The following CDK14 variants were observed in gnomAD, a reference collection of about 807,000 sequenced individuals.
The protein encoded by CDK14 is cyclin dependent kinase 14, also known as cyclin-dependent kinase 14.
Under a neutral mutation model 60.7 loss-of-function variants are expected in CDK14, and 34 were observed. The ratio of observed to expected loss-of-function variants is 0.56; its 90% confidence interval spans 0.43 to 0.75. CDK14 has a LOEUF of 0.75. CDK14 is among the 30% of genes least tolerant of loss of function. CDK14 has a pLI of 0.00. For missense variants in CDK14, 482 were observed against 564.1 expected, an observed-to-expected ratio of 0.85 and a Z score of 1.47; for synonymous variants, 197 against 203.7, an observed-to-expected ratio of 0.97 and a Z score of 0.28.
intron 1 of CDK14, among the ~76,000 whole-genome samples, chr7:90,598,708 T>TTTTTG (rs1799249323): frequency 2.3e-5 from 1 of 42,680 alleles, no homozygotes; most frequent in Admixed American, 3.2e-4. Context: ...CTAAGGATTT[T>TTTTTG]TTTTTTTTTT....
chr7:90,664,858 G>T (rs562914914), intron 2 of CDK14, among the ~76,000 whole-genome samples: 72 of 152,150 alleles, frequency 4.7e-4, no homozygotes, highest in African/African-American at 1.6e-3. Flanking sequence ...GTTAATTGGT[G>T]CAGCACACCA....
chr7:90,801,885 C>G (rs1301348646), intron 5 of CDK14, among the ~76,000 whole-genome samples: 1 of 152,152 alleles, frequency 6.6e-6, no homozygotes, highest in African/African-American at 2.4e-5. Context: ...CTAGATACTT[C>G]TTACCCCTAT....
intron 2 of CDK14, among the ~76,000 whole-genome samples, chr7:90,616,225 C>T (rs888687085): frequency 6.6e-6 from 1 of 151,810 alleles, no homozygotes; most frequent in Non-Finnish European, 1.5e-5. Context: ...GATAAGTAAG[C>T]ATTATTTTAT....
chr7:90,619,228 A>G (rs1311678492), intron 2 of CDK14, among the ~76,000 whole-genome samples: 1 of 152,158 alleles, frequency 6.6e-6, no homozygotes, highest in African/African-American at 2.4e-5. Flanking sequence ...AGCTAAGGCA[A>G]TTTTTCCCTG....
At chr7:90,814,436 A>G (rs1789267024) in intron 5 of CDK14, among the ~76,000 whole-genome samples, 1 of 152,140 alleles carries the variant, frequency 6.6e-6, no homozygotes, top group African/African-American at 2.4e-5. Context: ...TTAATCACAA[A>G]ATACTTGTTT....
intron 1 of CDK14, among the ~76,000 whole-genome samples, chr7:90,597,827 A>C (rs1799227400): frequency 8.5e-6 from 1 of 116,974 alleles, no homozygotes; most frequent in Non-Finnish European, 1.7e-5. Flanking sequence ...ATCGAAATTT[A>C]GCCAAGTTTT....
At chr7:90,635,121 G>A (rs1025877867) in intron 2 of CDK14, among the ~76,000 whole-genome samples, 2 of 152,004 alleles carry the variant, frequency 1.3e-5, no homozygotes, top group African/African-American at 4.8e-5. Flanking sequence ...TTGCTGTGCA[G>A]AAGCTCTTTA....
intron 5 of CDK14, among the ~76,000 whole-genome samples, chr7:90,844,752 A>G (rs573327197): frequency 6.6e-6 from 1 of 152,200 alleles, no homozygotes; most frequent in Non-Finnish European, 1.5e-5. Context: ...TAAACTTCTC[A>G]TATTAGAAAG....
chr7:91,011,467 A>T (rs1252061215), intron 10 of CDK14, among the ~76,000 whole-genome samples: 2 of 152,046 alleles, frequency 1.3e-5, no homozygotes, highest in Non-Finnish European at 2.9e-5. Flanking sequence ...AAGTTTCTGG[A>T]TGTTACTGTA....
At chr7:90,791,317 T>G (rs76904200) in intron 5 of CDK14, among the ~76,000 whole-genome samples, 3 of 152,172 alleles carry the variant, frequency 2.0e-5, no homozygotes, top group Non-Finnish European at 4.4e-5. Flanking sequence ...TTTTTTTTAA[T>G]CAGTGGGAAC....
intron 8 of CDK14, among the ~76,000 whole-genome samples, chr7:90,944,747 T>C (rs900099226): frequency 4.6e-5 from 7 of 152,104 alleles, no homozygotes; most frequent in Non-Finnish European, 5.9e-5. Flanking sequence ...AGGAAAAACA[T>C]GTGGCCTTAT....
chr7:90,873,978 C>T (rs933021028), intron 6 of CDK14, among the ~76,000 whole-genome samples: 1 of 152,096 alleles, frequency 6.6e-6, no homozygotes, highest in East Asian at 1.9e-4. Flanking sequence ...ATCTTTGTAG[C>T]CAAGACACAT....
chr7:91,174,188 C>T (rs917473722), intron 14 of CDK14, among the ~76,000 whole-genome samples: 1 of 152,010 alleles, frequency 6.6e-6, no homozygotes, highest in Admixed American at 6.5e-5. Flanking sequence ...CACCCCCCAG[C>T]AGGGGCACAC....
intron 3 of CDK14, among the ~76,000 whole-genome samples, chr7:90,732,278 C>T (rs1802897652): frequency 6.6e-6 from 1 of 151,962 alleles, no homozygotes; most frequent in Non-Finnish European, 1.5e-5. Context: ...CCATGTTCAT[C>T]AGGGATATTG....
At chr7:90,597,221 C>A (rs990387851) in intron 1 of CDK14, 1 of 152,854 alleles carries the variant, frequency 6.5e-6, no homozygotes, top group Admixed American at 6.5e-5. Context: ...TTCGGTACTT[C>A]GGGTCCTGGA....
chr7:91,177,535 C>T (rs977240606), intron 14 of CDK14, among the ~76,000 whole-genome samples: 8 of 151,974 alleles, frequency 5.3e-5, no homozygotes, highest in South Asian at 2.1e-4. Flanking sequence ...TGTTTGCAGA[C>T]GACATGATTG....
intron 2 of CDK14, among the ~76,000 whole-genome samples, chr7:90,664,739 T>C (rs1202251796): frequency 5.9e-5 from 8 of 135,230 alleles, no homozygotes; most frequent in African/African-American, 2.3e-4. Context: ...AATCGAACAA[T>C]GAGAACACAT....
intron 10 of CDK14, among the ~76,000 whole-genome samples, chr7:91,002,261 G>A (rs1381062599): frequency 2.0e-5 from 3 of 152,050 alleles, no homozygotes; most frequent in African/African-American, 7.2e-5. Context: ...ACTATGAGAA[G>A]CACTAGATCA....
At chr7:90,623,608 G>A (rs892944422) in intron 2 of CDK14, among the ~76,000 whole-genome samples, 11 of 152,134 alleles carry the variant, frequency 7.2e-5, no homozygotes, top group Non-Finnish European at 1.6e-4. Context: ...TAAGTATTGT[G>A]AATATCAGGT....
Sources: gnomAD v4.1 joint callset for allele counts (sites outside exome capture counted in the v4.1 genomes callset) on GRCh38, gnomAD v4.1.1 for gene constraint, MANE v1.5 for transcripts, NCBI Gene and HGNC (gene_info 2026-07-23, HGNC 2026-07-21) for gene names.